The following CHRNB4 variants were observed in gnomAD, a reference collection of about 807,000 sequenced individuals.
The protein encoded by CHRNB4 is neuronal acetylcholine receptor subunit beta-4.
Under a neutral mutation model 40.4 loss-of-function variants are expected in CHRNB4, and 23 were observed. The observed-to-expected ratio is 0.57, with a 90% CI of 0.41 to 0.81. The LOEUF (loss-of-function observed/expected upper bound fraction) is 0.81, where lower values mean the gene tolerates loss of function less well. Among genes scored for constraint, CHRNB4 ranks in the 30% least tolerant of loss-of-function variants. CHRNB4 has a pLI of 0.00. For missense variants in CHRNB4, 568 were observed against 670.6 expected, an observed-to-expected ratio of 0.85 and a Z score of 1.69; for synonymous variants, 285 against 274.4, an observed-to-expected ratio of 1.04 and a Z score of -0.38.
Position 78,631,273 on chromosome 15 carries a change from CT to C in CHRNB4, c.249+14del. 1 of 1,614,110 alleles carries C rather than the reference CT, an allele frequency of 6.2e-7. No homozygotes were observed. ...GAAAAGATCTCTGGGGCTCAGGGCCCTTCAGGGCACTTACCTGTTTCAGCCA... is the reference window on the plus strand; with the variant it reads ...GAAAAGATCTCTGGGGCTCAGGGCCCTCAGGGCACTTACCTGTTTCAGCCA... On this transcript the variant is annotated intron_variant, in intron 3 of 5. Coordinates refer to ENST00000261751, the MANE Select transcript of CHRNB4 (RefSeq NM_000750.5).
chr15:78,649,277 T>C, intron 7 of CHRNB4: 2 of 332,428 alleles, frequency 6.0e-6, no homozygotes, highest in Non-Finnish European at 5.9e-6. Context: ...GAGACACTCA[T>C]TTATATGATA....
upstream of CHRNB4, chr15:78,661,289 C>T (rs963668366): frequency 1.7e-6 from 1 of 598,470 alleles, no homozygotes; most frequent in African/African-American, 1.8e-5. Flanking sequence ...GGCGGCAGCC[C>T]GGCTGGTCAC....
intron 6 of CHRNB4, among the ~76,000 whole-genome samples, chr15:78,651,233 G>C (rs74990643): frequency 1.3e-5 from 2 of 152,020 alleles, no homozygotes; most frequent in East Asian, 3.9e-4. Flanking sequence ...AAGGCCTCAG[G>C]GTTCATGGAT....
chr15:78,648,799 G>A (rs753255693), intron 7 of CHRNB4, among the ~76,000 whole-genome samples: 2 of 149,984 alleles, frequency 1.3e-5, no homozygotes, highest in Non-Finnish European at 3.0e-5. Flanking sequence ...GTTATTTTGA[G>A]ACAGGGTCTC....
intron 7 of CHRNB4, among the ~76,000 whole-genome samples, chr15:78,648,324 C>T (rs1230874739): frequency 7.0e-6 from 1 of 142,356 alleles, no homozygotes; most frequent in Non-Finnish European, 1.5e-5. Context: ...ACCTGAGAGA[C>T]GGAGCTTGCA....
At chr15:78,637,629 G>C (rs1337695418) in intron 1 of CHRNB4, among the ~76,000 whole-genome samples, 1 of 152,192 alleles carries the variant, frequency 6.6e-6, no homozygotes, top group Admixed American at 6.5e-5. Context: ...AGAAGGCCCA[G>C]AGCACAGACC....
chr15:78,628,985 A>G lies in CHRNB4; in HGVS notation c.1320T>C (p.Asn440=). ...GVSFIAQHMK[N]DDEDQSVVED... is the part of the protein sequence containing the mutation. ...AACTTACACTCTGGTCTTCATCGTC[A>G]TTCTTCATGTGCTGGGCGATGAAGC... The change falls in exon 5 of 6, where the codon AAT becomes AAC. Residue 440 remains asparagine, a synonymous_variant. Coordinates refer to ENST00000261751, the MANE Select transcript of CHRNB4 (RefSeq NM_000750.5). The G allele has an allele frequency of 6.2e-7, 1 of 1,612,682 alleles. No individual in the cohort carries two copies. The highest frequency in any genetic ancestry group is 2.2e-5 in the East Asian group (1 of 44,836).
At chr15:78,631,261 G>T (rs2141373819) in intron 3 of CHRNB4, 27 bp downstream of exon 3, 1 of 1,613,858 alleles carries the variant, frequency 6.2e-7, no homozygotes, top group Admixed American at 1.7e-5. Context: ...AAGATCTCTG[G>T]GGCTCAGGGC....
chr15:78,645,831 G>A (rs539507491), upstream of CHRNB4, among the ~76,000 whole-genome samples: 21 of 152,160 alleles, frequency 1.4e-4, no homozygotes, highest in East Asian at 9.6e-4. Context: ...AGGCTGGGGC[G>A]GGTGGATAAT....
chr15:78,637,425 G>A (rs1179822823), intron 1 of CHRNB4, among the ~76,000 whole-genome samples: 1 of 152,036 alleles, frequency 6.6e-6, no homozygotes, highest in African/African-American at 2.4e-5. Context: ...GAAAAGAGAT[G>A]AGAATGAGCA....
chr15:78,634,946 G>A (rs994921073), intron 2 of CHRNB4, among the ~76,000 whole-genome samples: 8 of 152,060 alleles, frequency 5.3e-5, no homozygotes, highest in African/African-American at 1.4e-4. Context: ...CAGCAGCCAC[G>A]CCCACTGTCC....
In CHRNB4 at chr15:78,635,532, T is replaced by C; in HGVS notation, c.111A>G (p.Lys37=). The C allele has an allele frequency of 6.2e-7, 1 of 1,614,078 alleles. No individual in the cohort carries two copies. The highest frequency in any genetic ancestry group is 2.2e-5 in the East Asian group (1 of 44,874). Residue 37 remains lysine, a synonymous_variant, in exon 2 of 6, where the codon AAA becomes AAG. Coordinates refer to ENST00000261751, the MANE Select transcript of CHRNB4 (RefSeq NM_000750.5). ...GGCGGATCAGGTTATTGTAACGGGT[T>C]TTGTTCAGAAGGTCGTCCATCAGCT... ...EEKLMDDLLN[K]TRYNNLIRPA...
At chr15:78,641,255 C>T (rs2054070009), upstream of CHRNB4, 5 of 856,124 alleles carry the variant, frequency 5.8e-6, no homozygotes, top group African/African-American at 5.5e-5. Context: ...GGGCGGCGCT[C>T]ACTAGGACCC....
intron 2 of CHRNB4, among the ~76,000 whole-genome samples, chr15:78,633,696 T>C (rs1269718184): frequency 6.6e-6 from 1 of 152,166 alleles, no homozygotes; most frequent in Non-Finnish European, 1.5e-5. Flanking sequence ...TTTCCTCACA[T>C]GTCTGGGAGT....
chr15:78,630,899 C>T, intron 4 of CHRNB4, 177 bp downstream of exon 4: 4 of 597,066 alleles, frequency 6.7e-6, no homozygotes, highest in African/African-American at 1.9e-5. Context: ...AACTCCCCAT[C>T]TGTAACTGAG....
At chr15:78,641,370 C>T (rs1273593882), upstream of CHRNB4, 1 of 459,136 alleles carries the variant, frequency 2.2e-6, no homozygotes, top group East Asian at 3.8e-5. Context: ...GCCTGGCTTC[C>T]CTATCTCTTC....
intron 4 of CHRNB4, among the ~76,000 whole-genome samples, chr15:78,630,420 G>C (rs1030028209): frequency 6.6e-6 from 1 of 152,170 alleles, no homozygotes; most frequent in African/African-American, 2.4e-5. Flanking sequence ...TTACAGGTGT[G>C]AGCCACCACA....
At position 78,624,371 on chromosome 15, in the gene CHRNB4, G is replaced by A. The variant is rs568264734; in HGVS notation, c.*762C>T. On this transcript the variant is annotated 3_prime_UTR_variant, in exon 6 of 6. Transcript: ENST00000261751. Reference sequence around the variant, plus strand: ...GGTTAGGGAAGGCCTCTCAGAGGAGGTGACATTGGAGCAAAGAATGGATTG... The same window carrying A: ...GGTTAGGGAAGGCCTCTCAGAGGAGATGACATTGGAGCAAAGAATGGATTG... The A allele has an allele frequency of 7.2e-5, 11 of 152,686 alleles. No individual in the cohort carries two copies. The highest frequency in any genetic ancestry group is 2.7e-4 in the African/African-American group (11 of 41,450). The allele number at this position is 152,686 out of a possible 1,614,324, so 9.5% of individuals were successfully genotyped here. A position where few individuals can be genotyped will look rare whatever the true frequency, so the allele number is the denominator to read the frequency against.
chr15:78,660,914 A>G (rs2054247064), upstream of CHRNB4: 6 of 377,172 alleles, frequency 1.6e-5, no homozygotes, highest in East Asian at 3.2e-4. Flanking sequence ...CGTGCACACA[A>G]TTGCCTGGGG....
Sources: gnomAD v4.1 joint callset for allele counts (sites outside exome capture counted in the v4.1 genomes callset) on GRCh38, gnomAD v4.1.1 for gene constraint, MANE v1.5 for transcripts, NCBI Gene and HGNC (gene_info 2026-07-23, HGNC 2026-07-21) for gene names.